EXOC3L2: variants seen among roughly 807,000 people sequenced by gnomAD.
EXOC3L2 encodes exocyst complex component 3 like 2, also known as exocyst complex component 3-like protein 2.
A neutral mutation model predicts 44.4 loss-of-function variants in EXOC3L2; 17 were observed. The ratio of observed to expected loss-of-function variants is 0.38; its 90% confidence interval spans 0.26 to 0.57. The LOEUF (loss-of-function observed/expected upper bound fraction) is 0.57. Ranked by LOEUF, EXOC3L2 falls within the 20% of genes least tolerant of loss-of-function variation. The pLI is 0.65. For synonymous variants in EXOC3L2, 256 were observed against 253.7 expected (o/e 1.01, Z -0.09); for missense variants, 541 against 588.4 (o/e 0.92, Z 0.83).
At chr19:45,244,043 C>T (rs1285752916) in intron 1 of EXOC3L2, among the ~76,000 whole-genome samples, 1 of 152,128 alleles carries the variant, frequency 6.6e-6, no homozygotes, top group Non-Finnish European at 1.5e-5. Context: ...CCCACCTCAA[C>T]CTCCCGAGTA....
At position 45,218,308 on chromosome 19, in the gene EXOC3L2, G is replaced by C; in HGVS notation, c.1731C>G (p.Asn577Lys). 6.2e-7 allele frequency: 1 copy of C among 1,605,468 alleles called. No individual in the cohort carries two copies. Among genetic ancestry groups the C allele is most frequent in the Admixed American group, 1.7e-5 (1 of 59,604 alleles). ...LLFQELQPHF[N>K]KLMRRKWLSS... is the part of the protein sequence containing the mutation. ...TCAGCCACTTCCGGCGCATCAGCTT[G>C]TTGAAGTGTGGCTGGCAGGGACAGA... The change falls in exon 9 of 12, where the codon AAC (asparagine) becomes AAG (lysine). Residue 577 changes from asparagine (N) to lysine (K), a missense_variant. By Grantham distance (94) the Asn-to-Lys change is moderately conservative. Transcript: ENST00000413988.
At chr19:45,243,963 A>G (rs533576456) in intron 1 of EXOC3L2, among the ~76,000 whole-genome samples, 67 of 151,886 alleles carry the variant, frequency 4.4e-4, no homozygotes, top group African/African-American at 1.6e-3. Flanking sequence ...TCACTCTGTC[A>G]CCCAGGTTGG....
At position 45,218,426 on chromosome 19, in the gene EXOC3L2, G is replaced by C. The variant is rs1271328375; in HGVS notation, c.1720-107C>G. 8 of 1,348,882 alleles carry C rather than the reference G, an allele frequency of 5.9e-6. No homozygotes were observed. The East Asian group carries it at 1.3e-4, about 22-fold the overall frequency. The allele number at this position is 1,348,882 out of a possible 1,614,324, so 83.6% of individuals were successfully genotyped here. ...CTCCGTGTTGAACCAGGGCTGTGCGGTGCTGGGAACACAAGGGGAAGAGAT... is the reference window on the plus strand; with the variant it reads ...CTCCGTGTTGAACCAGGGCTGTGCGCTGCTGGGAACACAAGGGGAAGAGAT... On this transcript the variant is annotated intron_variant, in intron 8 of 11. Coordinates refer to ENST00000413988, the MANE Select transcript of EXOC3L2 (RefSeq NM_001382422.1).
rs1969938894 is a variant in EXOC3L2, at chr19:45,224,854, G to T, written c.1643C>A (p.Ala548Glu). Reference sequence around the variant, plus strand: ...CACATGGTCCAGAGCACTAGCAGATGCTTCCCGGGCCGGCTCGCTTTCTGG... The same window carrying T: ...CACATGGTCCAGAGCACTAGCAGATTCTTCCCGGGCCGGCTCGCTTTCTGG... Reference protein sequence around the residue: ...GPPESEPAREASASALDHVTR... With the variant: ...GPPESEPAREESASALDHVTR... The change falls in exon 8 of 12, where the codon GCA becomes GAA. Residue 548 changes from alanine (A) to glutamate (E), a missense_variant. Coordinates refer to ENST00000413988, the MANE Select transcript of EXOC3L2 (RefSeq NM_001382422.1). 1.3e-6 allele frequency: 2 copies of T among 1,588,442 alleles called. No individual in the cohort carries two copies. Among genetic ancestry groups the T allele is most frequent in the Non-Finnish European group, 1.7e-6 (2 of 1,166,532 alleles).
intron 9 of EXOC3L2, 92 bp from the exon 10 acceptor site, chr19:45,217,775 C>T (rs993890503): frequency 1.3e-5 from 18 of 1,350,570 alleles, no homozygotes; most frequent in Non-Finnish European, 1.7e-5. Context: ...CCCCACTCGC[C>T]CACATCCACT....
intron 3 of EXOC3L2, among the ~76,000 whole-genome samples, chr19:45,233,905 TG>T (rs2122985079): frequency 6.6e-6 from 1 of 151,796 alleles, no homozygotes; most frequent in Non-Finnish European, 1.5e-5. Flanking sequence ...CGATCTAGAG[TG>T]TAAGTGTTGA....
At chr19:45,244,995 C>G (rs1970158352) in intron 1 of EXOC3L2, among the ~76,000 whole-genome samples, 1 of 151,974 alleles carries the variant, frequency 6.6e-6, no homozygotes, top group Non-Finnish European at 1.5e-5. Context: ...CCCGATCCTT[C>G]CTGGCCTCAG....
At chr19:45,222,571 C>T (rs1266046590) in intron 8 of EXOC3L2, among the ~76,000 whole-genome samples, 2 of 152,088 alleles carry the variant, frequency 1.3e-5, no homozygotes, top group Non-Finnish European at 2.9e-5. Context: ...CTTCCTCCCT[C>T]ACCTATCTTG....
chr19:45,216,312 A>C, intron 10 of EXOC3L2, 118 bp from the exon 11 acceptor site: 5 of 1,392,748 alleles, frequency 3.6e-6, no homozygotes, highest in Non-Finnish European at 4.8e-6. Flanking sequence ...GTGGTGGCTC[A>C]AGCCTGTAAT....
chr19:45,214,926 C>T (rs1284610008), intron 11 of EXOC3L2, among the ~76,000 whole-genome samples: 1 of 151,960 alleles, frequency 6.6e-6, no homozygotes, highest in African/African-American at 2.4e-5. Context: ...GAGGCAGAGG[C>T]AGGCGGATCA....
At chr19:45,240,203 C>G (rs1213937856) in intron 1 of EXOC3L2, among the ~76,000 whole-genome samples, 1 of 150,674 alleles carries the variant, frequency 6.6e-6, no homozygotes, top group African/African-American at 2.4e-5. Flanking sequence ...CTCCTGGGCT[C>G]AAATGATCCT....
chr19:45,238,566 T>C lies in EXOC3L2; in HGVS notation c.480A>G (p.Pro160=). The C allele has an allele frequency of 5.0e-6, 2 of 399,676 alleles. No individual in the cohort carries two copies. Among genetic ancestry groups the C allele is most frequent in the Non-Finnish European group, 8.8e-6 (2 of 226,512 alleles). The allele number at this position is 399,676 out of a possible 1,614,324, so 24.8% of individuals were successfully genotyped here. A position where few individuals can be genotyped will look rare whatever the true frequency, so the allele number is the denominator to read the frequency against. Residue 160 remains proline, a synonymous_variant, in exon 2 of 12, where the codon CCA becomes CCG. Transcript: ENST00000413988. This position sits in a 1 kb window ranked among gnomAD's most constrained non-coding sequence, Gnocchi z 5.5. The part of the protein sequence containing the change: ...VPAGEAAPEP[P]PKVPEPPKMK... The stretch of plus-strand genomic sequence containing the variant: ...TCTTTGGGGGCTCTGGGACCTTGGG[T>C]GGGGGCTCTGGAGCTGCCTCGCCTG...
chr19:45,222,678 A>G lies in EXOC3L2; in HGVS notation c.1719+2100T>C, dbSNP rs1437707043. 5.9e-5 allele frequency among the ~76,000 whole-genome samples: 9 copies of G among 152,272 alleles called. No homozygotes were observed. The Middle Eastern group carries it at 0.01, about 173-fold the overall frequency. ...CATAGTGGTTTATAAGGCCAGGCAC[A>G]GTGGCTCATGCCTGTAATCCCAGCC... On this transcript the variant is annotated intron_variant, in intron 8 of 11. Transcript: ENST00000413988.
intron 1 of EXOC3L2, among the ~76,000 whole-genome samples, chr19:45,245,122 C>T (rs554186227): frequency 1.1e-3 from 172 of 152,070 alleles, no homozygotes; most frequent in Non-Finnish European, 1.8e-3. Flanking sequence ...CGCGAGTCCT[C>T]AAATTCTCCC....
chr19:45,213,225 G>A lies in EXOC3L2; in HGVS notation c.2253C>T (p.Ala751=). Residue 751 remains alanine, a synonymous_variant, in exon 12 of 12, where the codon GCC becomes GCT. Coordinates refer to ENST00000413988, the MANE Select transcript of EXOC3L2 (RefSeq NM_001382422.1). Reference sequence around the variant, plus strand: ...GGGGCACAGGGATGTCTGCAAAGAAGGCACGGTCCCGAGGGGGTGACAGGG... The same window carrying A: ...GGGGCACAGGGATGTCTGCAAAGAAAGCACGGTCCCGAGGGGGTGACAGGG... The part of the protein sequence containing the change: ...EGALSPPRDR[A]FFADIPVPRP... 4 of 1,612,154 alleles carry A rather than the reference G, an allele frequency of 2.5e-6. No individual in the cohort carries two copies. Among genetic ancestry groups the A allele is most frequent in the Non-Finnish European group, 3.4e-6 (4 of 1,179,100 alleles).
At chr19:45,227,046 C>T (rs1015835447) in intron 7 of EXOC3L2, among the ~76,000 whole-genome samples, 2 of 150,302 alleles carry the variant, frequency 1.3e-5, no homozygotes, top group African/African-American at 4.9e-5. Flanking sequence ...AGCCACGATG[C>T]CTGGCCCCCA....
rs888857370 is a variant in EXOC3L2, at chr19:45,221,354, TTTTG to T, written c.1720-3039_1720-3036del. ...CCACCATGTCTAATGTGTTGCTGGG[TTTTG>T]TTTGTTTGTTTTGAGACGGAATCTC... On this transcript the variant is annotated intron_variant, in intron 8 of 11. Coordinates refer to ENST00000413988, the MANE Select transcript of EXOC3L2 (RefSeq NM_001382422.1). 1.3e-3 allele frequency among the ~76,000 whole-genome samples: 202 copies of T among 150,976 alleles called. 2 individuals are homozygous for T. The highest frequency in any genetic ancestry group is 0.013 in the Admixed American group (191 of 15,124).
chr19:45,218,158 T>TGCCCCCCCCCCCCCC, intron 9 of EXOC3L2, 39 bp downstream of exon 9: 6 of 1,034,906 alleles, frequency 5.8e-6, no homozygotes, highest in South Asian at 1.8e-5. Flanking sequence ...TCCCCTCTTT[T>TGCCCCCCCCCCCCCC]CCCCCACCCC....
chr19:45,213,402 A>C, intron 11 of EXOC3L2, 45 bp from the exon 12 acceptor site: 1 of 1,603,272 alleles, frequency 6.2e-7, no homozygotes, highest in African/African-American at 1.3e-5. Context: ...CCCCAGCTCT[A>C]GACACACACC....
Sources: allele counts gnomAD v4.1 joint callset (sites outside exome capture counted in the v4.1 genomes callset), GRCh38; gene constraint gnomAD v4.1.1; non-coding constraint Gnocchi (gnomAD v3.1); transcripts MANE v1.5; gene names NCBI Gene and HGNC (gene_info 2026-07-23, HGNC 2026-07-21).